Variants in PTPN4 observed in about 807,000 individuals in gnomAD.
PTPN4 encodes the protein protein tyrosine phosphatase non-receptor type 4.
PTPN4 carries 49 observed loss-of-function variants against 135.5 expected under a neutral mutation model. That is an observed-to-expected ratio of 0.36 (90% CI 0.29 to 0.46). PTPN4 has a LOEUF of 0.46. PTPN4 is among the 20% of genes least tolerant of loss of function. The pLI is 1.00. For missense variants in PTPN4, 860 were observed against 1,101.0 expected, an observed-to-expected ratio of 0.78 and a Z score of 3.10; for synonymous variants, 333 against 369.9, an observed-to-expected ratio of 0.90 and a Z score of 1.14.
chr2:119,862,041 G>A (rs1344045342), intron 2 of PTPN4, among the ~76,000 whole-genome samples: 1 of 151,870 alleles, frequency 6.6e-6, no homozygotes, highest in African/African-American at 2.4e-5. Context: ...TCACTTTCCA[G>A]TCACAATTTA....
intron 3 of PTPN4, among the ~76,000 whole-genome samples, chr2:119,866,241 C>A (rs887465825): frequency 7.9e-5 from 12 of 151,970 alleles, no homozygotes; most frequent in African/African-American, 2.7e-4. Flanking sequence ...TATTCCTGTG[C>A]ATTTACTGTT....
chr2:119,808,439 A>G (rs1279029584), intron 1 of PTPN4, among the ~76,000 whole-genome samples: 3 of 152,152 alleles, frequency 2.0e-5, no homozygotes, highest in Non-Finnish European at 4.4e-5. Flanking sequence ...AATAACAGAC[A>G]GAGAGCCAAA....
intron 2 of PTPN4, among the ~76,000 whole-genome samples, chr2:119,815,342 A>G (rs17667910): frequency 0.021 from 3,166 of 152,290 alleles, 47 homozygotes; most frequent in Non-Finnish European, 0.032. Context: ...TCTGACTAGT[A>G]TTATGCATTT....
At chr2:119,847,197 G>GTATA (rs35864114) in intron 2 of PTPN4, among the ~76,000 whole-genome samples, 3 of 142,482 alleles carry the variant, frequency 2.1e-5, no homozygotes, top group African/African-American at 7.8e-5. Flanking sequence ...AATATATAGA[G>GTATA]TATATATATA....
At chr2:119,766,894 G>A (rs1276661111) in intron 1 of PTPN4, among the ~76,000 whole-genome samples, 3 of 152,184 alleles carry the variant, frequency 2.0e-5, no homozygotes, top group Admixed American at 6.5e-5. Context: ...TTCTTTGGCA[G>A]CTTCCCTTCT....
chr2:119,890,324 A>G (rs1441156189), intron 9 of PTPN4, among the ~76,000 whole-genome samples: 1 of 151,720 alleles, frequency 6.6e-6, no homozygotes, highest in Non-Finnish European at 1.5e-5. Context: ...ATCTGATAAA[A>G]GCTGAGGTAC....
At chr2:119,953,371 A>G (rs1252567838) in intron 19 of PTPN4, among the ~76,000 whole-genome samples, 1 of 152,202 alleles carries the variant, frequency 6.6e-6, no homozygotes, top group Non-Finnish European at 1.5e-5. Flanking sequence ...AAAATAAAAA[A>G]TCCTCTTTGT....
intron 10 of PTPN4, among the ~76,000 whole-genome samples, chr2:119,913,305 G>T (rs1215446911): frequency 6.6e-6 from 1 of 152,142 alleles, no homozygotes; most frequent in Non-Finnish European, 1.5e-5. Flanking sequence ...AGCATTGCAT[G>T]TGGGTTTAAT....
chr2:119,927,304 G>T (rs1293796826), intron 13 of PTPN4, among the ~76,000 whole-genome samples: 1 of 151,726 alleles, frequency 6.6e-6, no homozygotes, highest in African/African-American at 2.4e-5. Context: ...TAGAGATGGG[G>T]TTTACCATGT....
chr2:119,762,773 T>C (rs1690532926), intron 1 of PTPN4, among the ~76,000 whole-genome samples: 1 of 152,188 alleles, frequency 6.6e-6, no homozygotes, highest in Non-Finnish European at 1.5e-5. Context: ...TATGAATTGT[T>C]GCTCCTATGT....
At chr2:119,903,275 G>T (rs1343063713) in intron 10 of PTPN4, among the ~76,000 whole-genome samples, 2 of 152,046 alleles carry the variant, frequency 1.3e-5, no homozygotes, top group African/African-American at 4.8e-5. Flanking sequence ...ATGTGCCTTT[G>T]GGGGGCTAAG....
chr2:119,784,943 A>G (rs1691020281), intron 1 of PTPN4, among the ~76,000 whole-genome samples: 1 of 59,400 alleles, frequency 1.7e-5, no homozygotes, highest in Non-Finnish European at 3.4e-5. Flanking sequence ...TTTTTCTTCT[A>G]TTCATTTTAT....
At chr2:119,927,685 G>T (rs1262841824) in intron 13 of PTPN4, among the ~76,000 whole-genome samples, 1 of 152,206 alleles carries the variant, frequency 6.6e-6, no homozygotes, top group African/African-American at 2.4e-5. Flanking sequence ...AGAGACAAGA[G>T]TTTGTTTTCA....
intron 15 of PTPN4, among the ~76,000 whole-genome samples, chr2:119,936,842 C>T (rs932327937): frequency 6.6e-5 from 10 of 152,126 alleles, no homozygotes; most frequent in African/African-American, 1.9e-4. Context: ...TCTCCTTGGA[C>T]ATATATTTTA....
chr2:119,917,366 G>A (rs945736386), intron 11 of PTPN4, among the ~76,000 whole-genome samples: 2 of 152,146 alleles, frequency 1.3e-5, no homozygotes, highest in East Asian at 3.8e-4. Context: ...ATGCTATTGG[G>A]TGAGATATGC....
At chr2:119,950,828 A>G (rs565177230) in intron 18 of PTPN4, among the ~76,000 whole-genome samples, 3 of 152,334 alleles carry the variant, frequency 2.0e-5, no homozygotes, top group South Asian at 2.1e-4. Context: ...GTGCAAGACT[A>G]TAAAAATGAC....
chr2:119,937,332 A>C (rs1244436252), intron 15 of PTPN4, among the ~76,000 whole-genome samples: 1 of 152,164 alleles, frequency 6.6e-6, no homozygotes, highest in Non-Finnish European at 1.5e-5. Flanking sequence ...GATTTTTTTT[A>C]AGGTTTTTCA....
At chr2:119,873,718 ATAT>A (rs1418900575) in intron 3 of PTPN4, among the ~76,000 whole-genome samples, 3 of 152,228 alleles carry the variant, frequency 2.0e-5, no homozygotes, top group African/African-American at 4.8e-5. Context: ...TTCTAATAAA[ATAT>A]TATGACATTT....
Position 119,946,417 on chromosome 2 carries a change from A to C in PTPN4, c.1592A>C (p.Asn531Thr), listed in dbSNP as rs1478928179. The part of the protein sequence containing the change: ...KPDENGRFGF[N>T]VKGGYDQKMP... ...GATGAAAATGGGAGGTTTGGATTCA[A>C]TGTAAAGGTAATCTGGAATTTATTT... The change falls in exon 17 of 27, where the codon AAT becomes ACT. Residue 531 changes from asparagine to threonine, a missense_variant. By Grantham distance (65) the Asn-to-Thr change is moderately conservative. Around this residue, in one of 2 missense-constraint regions of PTPN4, gnomAD observed 684 missense variants for 807.0 expected, o/e 0.85. Transcript: ENST00000263708. 1.2e-6 allele frequency: 2 copies of C among 1,608,830 alleles called. No homozygotes were observed. Among genetic ancestry groups the C allele is most frequent in the Non-Finnish European group, 1.7e-6 (2 of 1,176,364 alleles).
Sources: gnomAD v4.1 joint callset for allele counts (sites outside exome capture counted in the v4.1 genomes callset) on GRCh38, gnomAD v4.1.1 for gene constraint, gnomAD v4.1.1 regional missense constraint, MANE v1.5 for transcripts, NCBI Gene and HGNC (gene_info 2026-07-23, HGNC 2026-07-21) for gene names.